Variants in TM7SF3 observed in about 807,000 individuals in gnomAD.
The protein encoded by TM7SF3 is transmembrane 7 superfamily member 3, also known as seven span transmembrane protein.
A neutral mutation model predicts 65.5 loss-of-function variants in TM7SF3; 60 were observed. The observed-to-expected ratio is 0.92, with a 90% CI of 0.74 to 1.14. TM7SF3 has a LOEUF of 1.14. Among genes scored for constraint, TM7SF3 ranks in the 50% most tolerant of loss-of-function variants. The pLI, the probability that TM7SF3 is intolerant of heterozygous loss-of-function variation, is 0.00. For synonymous variants in TM7SF3, 264 were observed against 259.6 expected, an observed-to-expected ratio of 1.02 and a Z score of -0.16; for missense variants, 623 against 684.8, an observed-to-expected ratio of 0.91 and a Z score of 1.01.
At chr12:26,983,483 G>A (rs1387076790) in intron 6 of TM7SF3, 1 of 447,432 alleles carries the variant, frequency 2.2e-6, no homozygotes, top group Middle Eastern at 3.3e-4. Context: ...TATCTTTAAG[G>A]TATACATACT....
chr12:26,983,873 A>C (rs572459396), intron 6 of TM7SF3, among the ~76,000 whole-genome samples: 1 of 152,342 alleles, frequency 6.6e-6, no homozygotes, highest in Admixed American at 6.5e-5. Flanking sequence ...AAATATGCTC[A>C]CTAAATTCAT....
At chr12:26,993,152 C>G (rs1405565914) in intron 5 of TM7SF3, among the ~76,000 whole-genome samples, 1 of 151,982 alleles carries the variant, frequency 6.6e-6, no homozygotes, top group Non-Finnish European at 1.5e-5. Flanking sequence ...GTGATCTGCC[C>G]TCCTTAGCCT....
intron 1 of TM7SF3, chr12:27,012,795 C>G (rs2136465058): frequency 2.2e-6 from 1 of 449,038 alleles, no homozygotes; most frequent in Admixed American, 2.4e-5. Flanking sequence ...GTCAGGAGTT[C>G]GAGACCAGCC....
Position 26,973,246 on chromosome 12 carries a change from G to C in TM7SF3, c.*719C>G, listed in dbSNP as rs1428300244. 1 of 151,754 alleles carries C rather than the reference G, an allele frequency of 6.6e-6. No individual in the cohort carries two copies. Among genetic ancestry groups the C allele is most frequent in the East Asian group, 1.9e-4 (1 of 5,172 alleles). 9.4% of individuals were successfully genotyped at this position (151,754 alleles called of 1,614,324 possible). A position where few individuals can be genotyped will look rare whatever the true frequency, so the allele number is the denominator to read the frequency against. On this transcript the variant is annotated 3_prime_UTR_variant, in exon 12 of 12. Coordinates refer to ENST00000343028, the MANE Select transcript of TM7SF3 (RefSeq NM_016551.3). ...GCTGGAGTGCAGTGACACAATCAAGGCTCACTGTAGCCTCAATCTTCAGGG... is the reference window on the plus strand; with the variant it reads ...GCTGGAGTGCAGTGACACAATCAAGCCTCACTGTAGCCTCAATCTTCAGGG...
At chr12:27,009,542 ACT>A (rs1307368932) in intron 1 of TM7SF3, among the ~76,000 whole-genome samples, 1 of 152,134 alleles carries the variant, frequency 6.6e-6, no homozygotes, top group Admixed American at 6.5e-5. Flanking sequence ...TTTTAAATGT[ACT>A]TTTTCTTTTC....
rs377191873 is a variant in TM7SF3, at chr12:26,990,544, A to G, written c.774T>C (p.Val258=). 34 of 1,613,808 alleles carry G rather than the reference A, an allele frequency of 2.1e-5. No homozygotes were observed. The highest frequency in any genetic ancestry group is 3.3e-4 in the Middle Eastern group (2 of 6,084). Residue 258 remains valine, a synonymous_variant, in exon 6 of 12, where the codon GTT becomes GTC. Coordinates refer to ENST00000343028, the MANE Select transcript of TM7SF3 (RefSeq NM_016551.3). ...CAGATGTATTTAGAAACGGGTCCCA[A>G]ACAATGACATTGTATATGACACCTT... is the stretch of plus-strand genomic sequence containing the variant. ...PGQGVIYNVI[V]WDPFLNTSAA... is the part of the protein sequence containing the mutation.
At position 26,979,873 on chromosome 12, in the gene TM7SF3, C is replaced by A. The variant is rs1939737569; in HGVS notation, c.1100G>T (p.Trp367Leu). Residue 367 changes from tryptophan to leucine, a missense_variant, in exon 9 of 12, where the codon TGG becomes TTG. Transcript: ENST00000343028. ...GCAGATCGAGAGGATTCCAAATCGC[C>A]ACCACACAGCTACCAAGAACATTCC... The part of the protein sequence containing the change: ...VGGMFLVAVW[W>L]RFGILSICML... 6.2e-7 allele frequency: 1 copy of A among 1,614,072 alleles called. No homozygotes were observed. The highest frequency in any genetic ancestry group is 1.7e-5 in the Admixed American group (1 of 59,992).
intron 1 of TM7SF3, chr12:27,012,866 C>T (rs1239383596): frequency 2.4e-5 from 9 of 372,230 alleles, no homozygotes; most frequent in Non-Finnish European, 4.2e-5. Context: ...GGTGTGGTGG[C>T]GGGCGCCTGT....
rs35443576 is a variant in TM7SF3, at chr12:26,974,035, C to T, written c.1643G>A (p.Arg548Gln). The change falls in exon 12 of 12, where the codon CGA becomes CAA. Residue 548 changes from arginine to glutamine, a missense_variant. Arg to Gln is a conservative substitution (Grantham distance 43). Transcript: ENST00000343028. ...IPPLRERLYGRLTQIKGLFQK... is the reference protein window; with the variant it reads ...IPPLRERLYGQLTQIKGLFQK... ...GAAGAGCCCTTTAATCTGGGTTAAT[C>T]GGCCATAGAGCCTCTCTCTCAATGG... is the stretch of plus-strand genomic sequence containing the variant. 226 of 1,614,148 alleles carry T rather than the reference C, an allele frequency of 1.4e-4. 1 individual carries two copies. Among genetic ancestry groups the T allele is most frequent in the African/African-American group, 1.3e-3 (97 of 75,020 alleles).
intron 1 of TM7SF3, among the ~76,000 whole-genome samples, chr12:27,004,215 C>T (rs1362455415): frequency 6.6e-6 from 1 of 152,124 alleles, no homozygotes; most frequent in Non-Finnish European, 1.5e-5. Flanking sequence ...TTTTTTCAAT[C>T]TAACTCTCAA....
chr12:26,995,952 A>C (rs1004485467), intron 4 of TM7SF3, among the ~76,000 whole-genome samples: 1 of 152,196 alleles, frequency 6.6e-6, no homozygotes, highest in Non-Finnish European at 1.5e-5. Flanking sequence ...AGGTGATTAC[A>C]TAACTGGATT....
intron 6 of TM7SF3, among the ~76,000 whole-genome samples, chr12:26,986,904 C>G (rs543154374): frequency 7.9e-5 from 12 of 152,356 alleles, no homozygotes; most frequent in African/African-American, 2.9e-4. Context: ...ATTACTCTCT[C>G]TTCCATGCAA....
rs758533629 is a variant in TM7SF3, at chr12:26,999,684, C to A, written c.247-8G>T. On this transcript the variant is annotated splice_region_variant and splice_polypyrimidine_tract_variant and intron_variant, in intron 2 of 11. Transcript: ENST00000343028. ...GGAATTGGAAAGGAGAGTCTGCAGT[C>A]CAGAAGAAACATTGTCATGAATAGG... The A allele has an allele frequency of 9.3e-6, 15 of 1,613,652 alleles. No homozygotes were observed. The African/African-American group carries it at 1.7e-4, about 19-fold the overall frequency.
At chr12:26,997,188 G>A (rs541641725) in intron 3 of TM7SF3, among the ~76,000 whole-genome samples, 26 of 152,308 alleles carry the variant, frequency 1.7e-4, no homozygotes, top group African/African-American at 6.3e-4. Context: ...ATACGTACAG[G>A]AAGAGGCATA....
chr12:26,988,053 G>T (rs931157636), intron 6 of TM7SF3, among the ~76,000 whole-genome samples: 3 of 139,160 alleles, frequency 2.2e-5, no homozygotes, highest in African/African-American at 5.3e-5. Flanking sequence ...GGTCTTAAAA[G>T]ATTAAAATTA....
At chr12:27,010,460 AC>A (rs1255305735) in intron 1 of TM7SF3, among the ~76,000 whole-genome samples, 1 of 152,258 alleles carries the variant, frequency 6.6e-6, no homozygotes, top group African/African-American at 2.4e-5. Flanking sequence ...GAAAGTCAAG[AC>A]AACTTAAACA....
At chr12:27,010,719 A>G (rs1224836379) in intron 1 of TM7SF3, among the ~76,000 whole-genome samples, 1 of 152,256 alleles carries the variant, frequency 6.6e-6, no homozygotes, top group Non-Finnish European at 1.5e-5. Flanking sequence ...AAGTTGGGGC[A>G]CTTACATTAG....
chr12:26,999,731 A>T, intron 2 of TM7SF3, 55 bp from the exon 3 acceptor site: 1 of 1,598,154 alleles, frequency 6.3e-7, no homozygotes, highest in Non-Finnish European at 8.6e-7. Flanking sequence ...AACATAAATT[A>T]CTGAGCTGAT....
intron 1 of TM7SF3, chr12:27,012,673 C>T (rs1211718001): frequency 1.8e-5 from 8 of 455,894 alleles, no homozygotes; most frequent in Non-Finnish European, 3.1e-5. Context: ...AATCTAACAT[C>T]CCATTCTGAG....
Sources: gnomAD v4.1 joint callset for allele counts (sites outside exome capture counted in the v4.1 genomes callset) on GRCh38, gnomAD v4.1.1 for gene constraint, MANE v1.5 for transcripts, NCBI Gene and HGNC (gene_info 2026-07-23, HGNC 2026-07-21) for gene names.